The following ACLY variants were observed in gnomAD, a reference collection of about 807,000 sequenced individuals.
The protein encoded by ACLY is ATP-citrate synthase.
Under a neutral mutation model 133.0 loss-of-function variants are expected in ACLY, and 41 were observed. The observed-to-expected ratio is 0.31, with a 90% CI of 0.24 to 0.40. ACLY has a LOEUF of 0.40. ACLY is among the 10% of genes least tolerant of loss of function. The probability of loss-of-function intolerance (pLI) is 1.00; values close to 1 mark genes in which losing one functional copy is unlikely to be tolerated. For synonymous variants in ACLY, 495 were observed against 549.3 expected (o/e 0.90, Z 1.38); for missense variants, 1,046 against 1,453.8 (o/e 0.72, Z 4.56).
Position 41,901,766 on chromosome 17 carries a change from G to A in ACLY, c.1113C>T (p.His371=), listed in dbSNP as rs782479755. The A allele has an allele frequency of 2.7e-5, 44 of 1,605,440 alleles. No homozygotes were observed. The Admixed American group carries it at 2.9e-4, about 10-fold the overall frequency. ...CTCTTCGGACAAAGATTGTGACTTC[G>A]TGCTCCTTCAGGGGGCCCTGGTAAT... ...IRDYQGPLKE[H]EVTIFVRRGG... is the part of the protein sequence containing the mutation. Residue 371 remains histidine (H), a synonymous_variant, in exon 11 of 29, where the codon CAC becomes CAT. Coordinates refer to ENST00000352035, the MANE Select transcript of ACLY (RefSeq NM_001096.3).
chr17:41,911,885 C>T (rs2049913154), intron 3 of ACLY, among the ~76,000 whole-genome samples: 1 of 152,068 alleles, frequency 6.6e-6, no homozygotes, highest in African/African-American at 2.4e-5. Context: ...GAAGCCGAGG[C>T]AGGCAGATTA....
intron 1 of ACLY, among the ~76,000 whole-genome samples, chr17:41,926,469 T>C (rs1175585270): frequency 6.6e-6 from 1 of 152,172 alleles, no homozygotes; most frequent in Non-Finnish European, 1.5e-5. Context: ...CACATTATGA[T>C]TGGTATTTTA....
rs781910431 is a variant in ACLY at position 41,918,918 on chromosome 17, C to G, written c.-62G>C. 2 of 1,289,144 alleles carry G rather than the reference C, an allele frequency of 1.6e-6. No homozygotes were observed. The highest frequency in any genetic ancestry group is 2.0e-6 in the Non-Finnish European group (2 of 988,696). The allele number at this position is 1,289,144 out of a possible 1,614,324, so 79.9% of individuals were successfully genotyped here. On this transcript the variant is annotated 5_prime_UTR_variant, in exon 1 of 29. Coordinates refer to ENST00000352035, the MANE Select transcript of ACLY (RefSeq NM_001096.3). ...CGTGCGCGGCGCTTCTTCCACAGGC[C>G]CGACGAACCCCGCAAAATCCGGAGC... is the stretch of plus-strand genomic sequence containing the variant.
At chr17:41,907,694 C>T (rs2049763946) in intron 6 of ACLY, 122 bp from the exon 7 acceptor site, 2 of 1,152,602 alleles carry the variant, frequency 1.7e-6, no homozygotes, top group Non-Finnish European at 2.4e-6. Context: ...ACTCTCTAAG[C>T]TCAGTAAGAA....
chr17:41,926,731 C>T (rs1047816952), intron 1 of ACLY, among the ~76,000 whole-genome samples: 9 of 151,928 alleles, frequency 5.9e-5, no homozygotes, highest in Non-Finnish European at 7.4e-5. Context: ...TCAGGTGATC[C>T]GCCCGCCTCG....
At chr17:41,892,185 C>T in intron 16 of ACLY, 94 bp downstream of exon 16, 1 of 1,286,808 alleles carries the variant, frequency 7.8e-7, no homozygotes, top group African/African-American at 1.5e-5. Flanking sequence ...GGAGCCATTC[C>T]TGCTTCCCCA....
chr17:41,898,796 A>G lies in ACLY; in HGVS notation c.1184-11T>C. On this transcript the variant is annotated splice_polypyrimidine_tract_variant and intron_variant, in intron 11 of 28. Coordinates refer to ENST00000352035, the MANE Select transcript of ACLY (RefSeq NM_001096.3). Reference sequence around the variant, plus strand: ...TCCCAGTGGTCTTCCCTGCAAGGGAAGGAAAAAAAAATCCATAATTCAAGT... The same window carrying G: ...TCCCAGTGGTCTTCCCTGCAAGGGAGGGAAAAAAAAATCCATAATTCAAGT... The G allele has an allele frequency of 6.2e-7, 1 of 1,610,098 alleles. No individual in the cohort carries two copies. Among genetic ancestry groups the G allele is most frequent in the Non-Finnish European group, 8.5e-7 (1 of 1,178,208 alleles).
rs187649354 is a variant in ACLY, at chr17:41,911,811, T to C, written c.282+609A>G. Among the ~76,000 whole-genome samples the C allele has an allele frequency of 2.0e-5, 3 of 151,380 alleles. No individual in the cohort carries two copies. The East Asian group carries it at 5.9e-4, about 30-fold the overall frequency. On this transcript the variant is annotated intron_variant, in intron 3 of 28. Transcript: ENST00000352035. Reference sequence around the variant, plus strand: ...AGCCTTGAGTGACAGTGTGAGACCCTGTCTTAAAAAAAAATAAAGTAGGCC... The same window carrying C: ...AGCCTTGAGTGACAGTGTGAGACCCCGTCTTAAAAAAAAATAAAGTAGGCC...
chr17:41,887,896 G>A (rs1555628560), intron 16 of ACLY, among the ~76,000 whole-genome samples, 193 bp from the exon 17 acceptor site: 1 of 152,170 alleles, frequency 6.6e-6, no homozygotes, highest in African/African-American at 2.4e-5. Flanking sequence ...GGGAGGCCGA[G>A]GAGGGTGGAT....
chr17:41,903,791 T>A (rs1442188871), intron 10 of ACLY, among the ~76,000 whole-genome samples: 137 of 132,080 alleles, frequency 1.0e-3, no homozygotes, highest in African/African-American at 3.8e-3. Flanking sequence ...AAAAAAGAGA[T>A]GCAGAGAACC....
chr17:41,912,633 CTTCCCAT>C (rs2049938329), intron 2 of ACLY, 91 bp from the exon 3 acceptor site: 13 of 1,506,916 alleles, frequency 8.6e-6, no homozygotes, highest in Non-Finnish European at 1.2e-5. Flanking sequence ...CAGGGATTGA[CTTCCCAT>C]TCACTCTGCT....
chr17:41,874,877 G>A (rs2048692188), intron 22 of ACLY, among the ~76,000 whole-genome samples: 1 of 143,060 alleles, frequency 7.0e-6, no homozygotes, highest in South Asian at 2.2e-4. Context: ...CCAGCCCATT[G>A]CTTCATTTTA....
rs1253517260 is a variant in ACLY at position 41,925,292 on chromosome 17, T to TA, written c.-28+5065dup. ...CTCAAAATAAATAAATAAATGAAAATAAAAAAATAAAAGGAGTCTTCTGGC... is the reference window on the plus strand; with the variant it reads ...CTCAAAATAAATAAATAAATGAAAATAAAAAAAATAAAAGGAGTCTTCTGGC... On this transcript the variant is annotated intron_variant, in intron 1 of 3. Coordinates refer to the ACLY transcript ENST00000592970. 1.8e-4 allele frequency among the ~76,000 whole-genome samples: 27 copies of TA among 151,022 alleles called. 1 individual carries two copies. The South Asian group carries it at 4.2e-3, about 23-fold the overall frequency.
chr17:41,915,918 G>C (rs1486778081), intron 1 of ACLY, among the ~76,000 whole-genome samples: 1 of 152,134 alleles, frequency 6.6e-6, no homozygotes, highest in Non-Finnish European at 1.5e-5. Flanking sequence ...CAGGGGAAAG[G>C]AAGTCCCTGG....
intron 6 of ACLY, among the ~76,000 whole-genome samples, chr17:41,908,539 A>C (rs1162141227): frequency 6.6e-6 from 1 of 152,358 alleles, no homozygotes; most frequent in East Asian, 1.9e-4. Flanking sequence ...CGAGGTGGAC[A>C]GATTACCTGA....
At chr17:41,928,609 T>C (rs1457386522) in intron 1 of ACLY, among the ~76,000 whole-genome samples, 3 of 151,664 alleles carry the variant, frequency 2.0e-5, no homozygotes, top group Non-Finnish European at 4.4e-5. Context: ...CCCAGCACTT[T>C]GAGAGGCTGA....
At chr17:41,889,966 C>A (rs2144296750) in intron 16 of ACLY, among the ~76,000 whole-genome samples, 1 of 152,278 alleles carries the variant, frequency 6.6e-6, no homozygotes, top group Non-Finnish European at 1.5e-5. Flanking sequence ...AGTCACCGCA[C>A]CCAGCCTCAA....
intron 10 of ACLY, chr17:41,904,323 G>GGAAGGAAGGGAAGAAGGAAGGGAAGGGAA (rs2049639573): frequency 9.1e-6 from 1 of 109,894 alleles, no homozygotes; most frequent in African/African-American, 3.7e-5. Flanking sequence ...AGAAGGAAAG[G>GGAAGGAAGGGAAGAAGGAAGGGAAGGGAA]GAAGGAAGGG....
chr17:41,871,063 C>T (rs1286029973), intron 25 of ACLY, among the ~76,000 whole-genome samples: 1 of 152,158 alleles, frequency 6.6e-6, no homozygotes, highest in Admixed American at 6.5e-5. Context: ...CCGAAGGTGA[C>T]CAATATGTCC....
Sources: allele counts gnomAD v4.1 joint callset (sites outside exome capture counted in the v4.1 genomes callset), GRCh38; gene constraint gnomAD v4.1.1; transcripts MANE v1.5; gene names NCBI Gene and HGNC (gene_info 2026-07-23, HGNC 2026-07-21).